The following GRIP1 variants were observed in gnomAD, a reference collection of about 807,000 sequenced individuals.
The protein encoded by GRIP1 is glutamate receptor-interacting protein 1.
In GRIP1, 45 loss-of-function variants were observed where a neutral mutation model predicts 129.9. The ratio of observed to expected loss-of-function variants is 0.35; its 90% confidence interval spans 0.27 to 0.44. GRIP1 has a LOEUF of 0.44. Among genes scored for constraint, GRIP1 ranks in the 20% least tolerant of loss-of-function variants. GRIP1 has a pLI of 1.00. For synonymous variants in GRIP1, 530 were observed against 520.8 expected (o/e 1.02, Z -0.24); for missense variants, 1,196 against 1,396.8 (o/e 0.86, Z 2.29).
chr12:66,848,962 T>C (rs1201576034), intron 1 of GRIP1, among the ~76,000 whole-genome samples: 2 of 152,160 alleles, frequency 1.3e-5, no homozygotes, highest in African/African-American at 4.8e-5. Context: ...TGAAACTTTC[T>C]AGGCCCAGTC....
chr12:66,856,815 T>C (rs1400112018), intron 1 of GRIP1, among the ~76,000 whole-genome samples: 18 of 151,950 alleles, frequency 1.2e-4, no homozygotes, highest in Non-Finnish European at 1.0e-4. Context: ...GTCAGTGTGG[T>C]GATTCCTCAG....
intron 13 of GRIP1, among the ~76,000 whole-genome samples, chr12:66,444,320 A>G: frequency 6.6e-6 from 1 of 150,812 alleles, no homozygotes; most frequent in Non-Finnish European, 1.5e-5. Context: ...CCCCGTCTCT[A>G]CTAAAAATAC....
intron 1 of GRIP1, among the ~76,000 whole-genome samples, chr12:66,730,701 C>CAGAAAA: frequency 1.4e-5 from 1 of 71,188 alleles, no homozygotes; most frequent in Non-Finnish European, 2.7e-5. Flanking sequence ...GGGTCATCTA[C>CAGAAAA]AAAAAAAAAA....
chr12:66,789,578 A>C (rs1053728675), intron 1 of GRIP1, among the ~76,000 whole-genome samples: 1 of 9,348 alleles, frequency 1.1e-4, no homozygotes, highest in Non-Finnish European at 9.4e-3. Context: ...ACTTTGCTGT[A>C]CAAATAGATA....
intron 5 of GRIP1, among the ~76,000 whole-genome samples, chr12:66,523,538 A>C (rs1300749227): frequency 6.6e-6 from 1 of 152,068 alleles, no homozygotes; most frequent in Admixed American, 6.5e-5. Flanking sequence ...AGCACTAAAC[A>C]TGGAAAGGAA....
In GRIP1 at chr12:66,731,626, G is replaced by C. The variant is rs115100788; in HGVS notation, c.-420+72427C>G. Among the ~76,000 whole-genome samples the C allele has an allele frequency of 3.0e-3, 453 of 152,240 alleles. 6 individuals are homozygous for C. The highest frequency in any genetic ancestry group is 1.0e-2 in the African/African-American group (415 of 41,544). ...CACAAACATTACTAGAGCACTACTT[G>C]GTGTCAAATACTATGGTAGACAAGA... On this transcript the variant is annotated intron_variant, in intron 1 of 4. Transcript: ENST00000538373.
chr12:66,757,889 T>A (rs1351839912), intron 1 of GRIP1, among the ~76,000 whole-genome samples: 1 of 152,220 alleles, frequency 6.6e-6, no homozygotes, highest in Admixed American at 6.5e-5. Flanking sequence ...TTGCTTTACA[T>A]TCATCTTTTT....
intron 1 of GRIP1, among the ~76,000 whole-genome samples, chr12:66,731,507 C>T (rs916741179): frequency 1.4e-4 from 21 of 152,132 alleles, no homozygotes; most frequent in African/African-American, 4.8e-4. Flanking sequence ...CTGTTTATAA[C>T]CTTTTATACA....
intron 1 of GRIP1, among the ~76,000 whole-genome samples, chr12:66,673,093 A>G (rs1294212129): frequency 6.6e-6 from 1 of 152,050 alleles, no homozygotes. Context: ...TATGGTTTCT[A>G]TCCGTTTCTA....
At chr12:66,481,573 T>C (rs1012170824) in intron 7 of GRIP1, among the ~76,000 whole-genome samples, 2 of 152,190 alleles carry the variant, frequency 1.3e-5, no homozygotes, top group African/African-American at 4.8e-5. Flanking sequence ...AAAAATATCA[T>C]TTGACCCAGC....
chr12:66,353,567 A>T lies in GRIP1; in HGVS notation c.3013-4T>A, dbSNP rs2054336670. On this transcript the variant is annotated splice_region_variant and splice_polypyrimidine_tract_variant and intron_variant, in intron 23 of 24. Coordinates refer to ENST00000359742, the MANE Select transcript of GRIP1 (RefSeq NM_001366722.1). Reference sequence around the variant, plus strand: ...CAGAGTCCTTGTACAAGGTCACCTGAAGAGAGAAAATGGGATGTGAATATT... The same window carrying T: ...CAGAGTCCTTGTACAAGGTCACCTGTAGAGAGAAAATGGGATGTGAATATT... 1 of 1,613,634 alleles carries T rather than the reference A, an allele frequency of 6.2e-7. No individual in the cohort carries two copies. The highest frequency in any genetic ancestry group is 1.7e-5 in the Admixed American group (1 of 60,004).
chr12:66,943,108 T>C (rs2041613296), intron 1 of GRIP1, among the ~76,000 whole-genome samples: 1 of 152,220 alleles, frequency 6.6e-6, no homozygotes, highest in South Asian at 2.1e-4. Context: ...ATTCTTTTGT[T>C]GCTAATTTTG....
intron 1 of GRIP1, among the ~76,000 whole-genome samples, chr12:66,846,945 G>T (rs1295014992): frequency 6.6e-6 from 1 of 152,090 alleles, no homozygotes; most frequent in African/African-American, 2.4e-5. Context: ...GTGGACTCTG[G>T]AGCATAGTGG....
intron 5 of GRIP1, among the ~76,000 whole-genome samples, chr12:66,524,726 T>C (rs1388839360): frequency 1.3e-5 from 2 of 152,104 alleles, no homozygotes; most frequent in Non-Finnish European, 2.9e-5. Context: ...TTCAAAAAAA[T>C]TAATGAATCC....
chr12:66,605,280 C>A (rs1354455280), intron 1 of GRIP1, among the ~76,000 whole-genome samples: 1 of 151,746 alleles, frequency 6.6e-6, no homozygotes, highest in Non-Finnish European at 1.5e-5. Flanking sequence ...TCTTTTTTTG[C>A]CCCTTGTTTG....
Position 66,539,058 on chromosome 12 carries a change from A to T in GRIP1, c.418+20T>A. The T allele has an allele frequency of 2.5e-6, 4 of 1,608,376 alleles. No individual in the cohort carries two copies. Among genetic ancestry groups the T allele is most frequent in the Non-Finnish European group, 2.6e-6 (3 of 1,174,766 alleles). ...TCTTGGAATGTATCCCCTATGGATA[A>T]GGGGGGCTACTGTACTTACAGACCG... On this transcript the variant is annotated intron_variant, in intron 4 of 24. Transcript: ENST00000359742.
At chr12:66,639,151 T>A (rs1459091995) in intron 1 of GRIP1, among the ~76,000 whole-genome samples, 1 of 152,168 alleles carries the variant, frequency 6.6e-6, no homozygotes, top group Non-Finnish European at 1.5e-5. Flanking sequence ...GCCTAATAAA[T>A]GTTAGGTATT....
At chr12:66,522,170 C>A (rs1386385510) in intron 5 of GRIP1, among the ~76,000 whole-genome samples, 1 of 152,216 alleles carries the variant, frequency 6.6e-6, no homozygotes, top group Non-Finnish European at 1.5e-5. Flanking sequence ...TCCCAGCATG[C>A]AGCTGTAGAT....
intron 7 of GRIP1, among the ~76,000 whole-genome samples, chr12:66,498,107 C>T (rs1428251560): frequency 6.6e-6 from 1 of 152,158 alleles, no homozygotes; most frequent in Non-Finnish European, 1.5e-5. Context: ...AACTGCCCCA[C>T]CCTTATCTCC....
Sources: allele counts gnomAD v4.1 joint callset (sites outside exome capture counted in the v4.1 genomes callset), GRCh38; gene constraint gnomAD v4.1.1; transcripts MANE v1.5; gene names NCBI Gene and HGNC (gene_info 2026-07-23, HGNC 2026-07-21).